ASAP1: variants seen among roughly 807,000 people sequenced by gnomAD.
ASAP1 encodes the protein arf-GAP with SH3 domain, ANK repeat and PH domain-containing protein 1.
Under a neutral mutation model 145.2 loss-of-function variants are expected in ASAP1, and 43 were observed. The ratio of observed to expected loss-of-function variants is 0.30; its 90% CI spans 0.23 to 0.38. The LOEUF is 0.38. Among genes scored for constraint, ASAP1 ranks in the 10% least tolerant of loss-of-function variants. The pLI is 1.00. For missense variants in ASAP1, 1,018 were observed against 1,355.3 expected, an observed-to-expected ratio of 0.75 and a Z score of 3.91; for synonymous variants, 546 against 515.5, an observed-to-expected ratio of 1.06 and a Z score of -0.80.
intron 3 of ASAP1, among the ~76,000 whole-genome samples, chr8:130,275,618 T>A (rs1201128404): frequency 6.6e-6 from 1 of 151,952 alleles, no homozygotes; most frequent in Non-Finnish European, 1.5e-5. Flanking sequence ...ACTGGCAGGA[T>A]GCAACTTCAG....
intron 24 of ASAP1, among the ~76,000 whole-genome samples, chr8:130,105,753 C>T (rs907801060): frequency 6.6e-6 from 1 of 152,194 alleles, no homozygotes; most frequent in Non-Finnish European, 1.5e-5. Context: ...GTAGAGTGCG[C>T]TGGGACACTA....
chr8:130,390,939 GCCC>G (rs1231776626), intron 2 of ASAP1, among the ~76,000 whole-genome samples: 1 of 141,872 alleles, frequency 7.0e-6, no homozygotes, highest in Non-Finnish European at 1.5e-5. Flanking sequence ...TATATCCCCC[GCCC>G]CCCCAAAATT....
chr8:130,226,288 A>G (rs1023913861), intron 4 of ASAP1, among the ~76,000 whole-genome samples: 3 of 152,110 alleles, frequency 2.0e-5, no homozygotes, highest in Non-Finnish European at 4.4e-5. Flanking sequence ...TACAGACACC[A>G]TATTATTGGG....
intron 17 of ASAP1, among the ~76,000 whole-genome samples, chr8:130,125,165 T>C (rs2097573013): frequency 6.6e-6 from 1 of 152,106 alleles, no homozygotes; most frequent in South Asian, 2.1e-4. Context: ...GTCTGAGAAG[T>C]CATACTTTAT....
At chr8:130,340,806 A>G (rs769295652) in intron 3 of ASAP1, 5 of 423,360 alleles carry the variant, frequency 1.2e-5, no homozygotes, top group South Asian at 8.5e-5. Flanking sequence ...TAAAGAACTT[A>G]GCACACTACC....
chr8:130,341,108 T>G (rs1215282062), intron 3 of ASAP1, among the ~76,000 whole-genome samples: 1 of 152,072 alleles, frequency 6.6e-6, no homozygotes, highest in Non-Finnish European at 1.5e-5. Context: ...CTAAGTCTAG[T>G]GACAAGATGC....
chr8:130,371,021 T>C (rs1214691314), intron 2 of ASAP1, among the ~76,000 whole-genome samples: 1 of 152,224 alleles, frequency 6.6e-6, no homozygotes, highest in African/African-American at 2.4e-5. Context: ...CTGAATTGTA[T>C]ATCTTAAAAG....
intron 3 of ASAP1, among the ~76,000 whole-genome samples, chr8:130,278,709 C>T (rs923028782): frequency 6.6e-6 from 1 of 152,190 alleles, no homozygotes; most frequent in Non-Finnish European, 1.5e-5. Flanking sequence ...TATCCATATG[C>T]ATTAAATATC....
intron 3 of ASAP1, among the ~76,000 whole-genome samples, chr8:130,250,688 C>T (rs546785006): frequency 2.6e-5 from 4 of 151,724 alleles, no homozygotes; most frequent in African/African-American, 4.8e-5. Context: ...CCAAGAAGCC[C>T]GGGCTATACA....
intron 2 of ASAP1, among the ~76,000 whole-genome samples, chr8:130,373,357 C>T (rs757800438): frequency 3.3e-5 from 5 of 152,184 alleles, no homozygotes; most frequent in African/African-American, 1.2e-4. Flanking sequence ...AGTTTTTAGA[C>T]CTTCAACAAA....
At position 130,358,281 on chromosome 8, in the gene ASAP1, G is replaced by C. The variant is rs998003257; in HGVS notation, c.60-138C>G. 1.0e-4 allele frequency: 57 copies of C among 548,118 alleles called. No individual in the cohort carries two copies. Among genetic ancestry groups the C allele is most frequent in the Non-Finnish European group, 1.2e-4 (50 of 413,768 alleles). 34.0% of individuals were successfully genotyped at this position (548,118 alleles called of 1,614,324 possible). On this transcript the variant is annotated intron_variant, in intron 2 of 29. Transcript: ENST00000518721. The surrounding 1 kb of genome is among the most constrained non-coding windows in gnomAD (Gnocchi z 4.1). Reference sequence around the variant, plus strand: ...CCGCCCGGCCTGGCGCGCGGCTCCCGTCCCCGGCAGCGGCGAGAGGGAGGG... The same window carrying C: ...CCGCCCGGCCTGGCGCGCGGCTCCCCTCCCCGGCAGCGGCGAGAGGGAGGG...
chr8:130,165,995 T>C (rs2097679092), intron 11 of ASAP1, among the ~76,000 whole-genome samples: 1 of 152,204 alleles, frequency 6.6e-6, no homozygotes, highest in African/African-American at 2.4e-5. Flanking sequence ...TTTCATGTTA[T>C]TATTATTAAA....
chr8:130,259,342 A>T (rs1819755072), intron 3 of ASAP1, among the ~76,000 whole-genome samples: 1 of 152,182 alleles, frequency 6.6e-6, no homozygotes, highest in Non-Finnish European at 1.5e-5. Context: ...ATAACAAGTT[A>T]TTTCTCACGA....
chr8:130,229,053 G>A (rs535426720), intron 4 of ASAP1, among the ~76,000 whole-genome samples: 2 of 152,260 alleles, frequency 1.3e-5, no homozygotes, highest in Non-Finnish European at 2.9e-5. Context: ...AGACAAACTA[G>A]CCGAGCAAAG....
intron 27 of ASAP1, among the ~76,000 whole-genome samples, chr8:130,071,078 A>C (rs1227204656): frequency 6.7e-6 from 1 of 149,284 alleles, no homozygotes. Context: ...ATCTAAGAAA[A>C]AAAAGTATTT....
intron 1 of ASAP1, among the ~76,000 whole-genome samples, 195 bp downstream of exon 1, chr8:130,443,265 G>A (rs1331888498): frequency 4.6e-5 from 7 of 151,832 alleles, no homozygotes; most frequent in African/African-American, 1.5e-4. Context: ...CTGGCCGCGC[G>A]TCCCGCACAC....
chr8:130,127,795 G>T, intron 16 of ASAP1, 132 bp downstream of exon 16: 2 of 1,008,266 alleles, frequency 2.0e-6, no homozygotes, highest in African/African-American at 1.7e-5. Context: ...AAATCACGTT[G>T]GGAATACGTG....
At chr8:130,408,663 T>C (rs931943355) in intron 1 of ASAP1, among the ~76,000 whole-genome samples, 1 of 152,198 alleles carries the variant, frequency 6.6e-6, no homozygotes, top group Admixed American at 6.5e-5. Flanking sequence ...ATAAATTCTG[T>C]TTCTCTGAAG....
intron 29 of ASAP1, among the ~76,000 whole-genome samples, chr8:130,056,513 T>G (rs1017856408): frequency 6.6e-6 from 1 of 152,188 alleles, no homozygotes. Context: ...CCTTCCTAGG[T>G]CCTGACAATC....
Sources: allele counts gnomAD v4.1 joint callset (sites outside exome capture counted in the v4.1 genomes callset), GRCh38; gene constraint gnomAD v4.1.1; non-coding constraint Gnocchi (gnomAD v3.1); transcripts MANE v1.5; gene names NCBI Gene and HGNC (gene_info 2026-07-23, HGNC 2026-07-21).